The following LOXHD1 variants were observed in gnomAD, a reference collection of about 807,000 sequenced individuals.
The protein encoded by LOXHD1 is lipoxygenase homology PLAT domains 1, also known as lipoxygenase homology domain-containing protein 1.
In LOXHD1, 205 loss-of-function variants were observed where a neutral mutation model predicts 248.2. The ratio of observed to expected loss-of-function variants is 0.83; its 90% CI spans 0.74 to 0.93. The LOEUF is 0.93. Ranked by LOEUF, LOXHD1 falls within the 40% of genes least tolerant of loss-of-function variation. The probability of loss-of-function intolerance (pLI) is 0.00; values close to 1 mark genes in which losing one functional copy is unlikely to be tolerated. For missense variants in LOXHD1, 2,930 were observed against 2,971.6 expected (o/e 0.99, Z 0.33); for synonymous variants, 1,113 against 1,162.8 (o/e 0.96, Z 0.87).
chr18:46,571,514 C>T (rs1170072898), intron 15 of LOXHD1, among the ~76,000 whole-genome samples: 3 of 152,122 alleles, frequency 2.0e-5, no homozygotes, highest in South Asian at 2.1e-4. Flanking sequence ...TCAGCTCTTC[C>T]GGTTCTAAGT....
intron 14 of LOXHD1, among the ~76,000 whole-genome samples, chr18:46,574,186 A>G (rs2037809571): frequency 6.6e-6 from 1 of 152,146 alleles, no homozygotes; most frequent in Non-Finnish European, 1.5e-5. Flanking sequence ...CCCCAGCAGC[A>G]AAAGGAAACC....
At chr18:46,547,177 C>A in intron 21 of LOXHD1, 119 bp from the exon 22 acceptor site, 1 of 1,155,434 alleles carries the variant, frequency 8.7e-7, no homozygotes, top group South Asian at 1.4e-5. Context: ...CTGTCTGCCC[C>A]TGACAGCATT....
At position 46,492,979 on chromosome 18, in the gene LOXHD1, T is replaced by C. The variant is rs531278683; in HGVS notation, c.5879-3837A>G. On this transcript the variant is annotated intron_variant, in intron 37 of 40. Transcript: ENST00000642948. Reference sequence around the variant, plus strand: ...TATCAGATTTTGTCACTTCTCCATATAAAATCCCCCAATGGCTCCTCATCA... The same window carrying C: ...TATCAGATTTTGTCACTTCTCCATACAAAATCCCCCAATGGCTCCTCATCA... Among the ~76,000 whole-genome samples the C allele has an allele frequency of 2.6e-5, 4 of 152,318 alleles. No individual in the cohort carries two copies. The South Asian group carries it at 8.3e-4, about 32-fold the overall frequency.
At chr18:46,574,071 G>A (rs1301424861) in intron 14 of LOXHD1, among the ~76,000 whole-genome samples, 3 of 152,038 alleles carry the variant, frequency 2.0e-5, no homozygotes, top group Non-Finnish European at 2.9e-5. Context: ...CCTGGGCAAC[G>A]CATTCACAGG....
chr18:46,524,730 A>G lies in LOXHD1; in HGVS notation c.4718T>C (p.Leu1573Pro), dbSNP rs2035744188. ...CACCTTCTCGTAAAAGAGCCTCTCGAGTCGCCCATCCTCCTTCTTCAGGGA... is the reference window on the plus strand; with the variant it reads ...CACCTTCTCGTAAAAGAGCCTCTCGGGTCGCCCATCCTCCTTCTTCAGGGA... ...WLSLKKEDGR[L>P]ERLFYEKEYT... Residue 1573 changes from leucine (L) to proline (P), a missense_variant, in exon 30 of 41, where the codon CTC (leucine) becomes CCC (proline). Physicochemically the swap from Leu to Pro is moderately conservative, Grantham distance 98 (BLOSUM62 -3). Transcript: ENST00000642948. 6.4e-7 allele frequency: 1 copy of G among 1,551,706 alleles called. No homozygotes were observed. Among genetic ancestry groups the G allele is most frequent in the Non-Finnish European group, 8.7e-7 (1 of 1,146,994 alleles).
chr18:46,535,906 G>A (rs998092199), intron 26 of LOXHD1, among the ~76,000 whole-genome samples: 2 of 152,092 alleles, frequency 1.3e-5, no homozygotes, highest in African/African-American at 4.8e-5. Context: ...GAGCAATGTG[G>A]CCTTTAGGGG....
At chr18:46,656,092 A>G (rs1280914251) in intron 1 of LOXHD1, among the ~76,000 whole-genome samples, 1 of 152,184 alleles carries the variant, frequency 6.6e-6, no homozygotes, top group Admixed American at 6.5e-5. Context: ...GCCACTTTGG[A>G]GTCAGCATTG....
intron 21 of LOXHD1, among the ~76,000 whole-genome samples, chr18:46,551,387 G>A (rs1440191510): frequency 6.6e-6 from 1 of 152,038 alleles, no homozygotes; most frequent in Non-Finnish European, 1.5e-5. Context: ...ATAGGCATGA[G>A]CCACCACACC....
intron 35 of LOXHD1, among the ~76,000 whole-genome samples, chr18:46,508,073 A>G (rs923219143): frequency 4.6e-5 from 7 of 152,174 alleles, no homozygotes; most frequent in African/African-American, 1.4e-4. Context: ...AACACCTGGG[A>G]GCAGAACGCT....
Position 46,560,467 on chromosome 18 carries a change from C to A in LOXHD1, c.2677G>T (p.Val893Leu), listed in dbSNP as rs769899814. ...AGGTGCCGCAGCCACACGGTGTCCA[C>A]GAACCAGCTGGGCCCAAAGCCCTCG... ...TGEGFGPSWF[V>L]DTVWLRHLVV... The change falls in exon 19 of 41, where the codon GTG becomes TTG. Residue 893 changes from valine to leucine, a missense_variant. Val to Leu is a conservative substitution (Grantham distance 32). Transcript: ENST00000642948. 6.5e-7 allele frequency: 1 copy of A among 1,541,440 alleles called. No individual in the cohort carries two copies. Among genetic ancestry groups the A allele is most frequent in the Non-Finnish European group, 8.7e-7 (1 of 1,146,954 alleles).
chr18:46,601,122 T>C, intron 8 of LOXHD1, 95 bp downstream of exon 8: 1 of 1,447,616 alleles, frequency 6.9e-7, no homozygotes, highest in African/African-American at 1.4e-5. Context: ...CTGTAACTAG[T>C]TCAGAGAAGT....
intron 37 of LOXHD1, among the ~76,000 whole-genome samples, chr18:46,490,359 G>A (rs866832292): frequency 6.6e-6 from 1 of 152,220 alleles, no homozygotes; most frequent in South Asian, 2.1e-4. Flanking sequence ...CATCATTCCA[G>A]GTTGAAAAAG....
chr18:46,500,261 T>C (rs1316039891), intron 37 of LOXHD1, among the ~76,000 whole-genome samples: 1 of 152,214 alleles, frequency 6.6e-6, no homozygotes, highest in African/African-American at 2.4e-5. Context: ...TAACAACTTT[T>C]AGTTTACTAT....
chr18:46,638,711 A>AC (rs979338960), intron 4 of LOXHD1, among the ~76,000 whole-genome samples: 24 of 152,232 alleles, frequency 1.6e-4, no homozygotes, highest in Admixed American at 1.3e-4. Flanking sequence ...TCACAGAGGA[A>AC]CAAGTCAAGT....
intron 14 of LOXHD1, among the ~76,000 whole-genome samples, chr18:46,575,111 A>G (rs951615747): frequency 1.3e-5 from 2 of 152,040 alleles, no homozygotes; most frequent in Non-Finnish European, 1.5e-5. Flanking sequence ...ACACATCCCA[A>G]CTAGACCTCC....
At chr18:46,613,098 A>G (rs1204184463) in intron 5 of LOXHD1, among the ~76,000 whole-genome samples, 1 of 152,160 alleles carries the variant, frequency 6.6e-6, no homozygotes, top group African/African-American at 2.4e-5. Flanking sequence ...GCTTAGCCCT[A>G]CATGAATATT....
rs185059284 is a variant in LOXHD1 at position 46,617,009 on chromosome 18, G to A, written c.610+1183C>T. ...GATGAATTATATATTTGAGTGTTTT[G>A]TAGTTTTGGAAAGTGAACACATCTT... On this transcript the variant is annotated intron_variant, in intron 5 of 40. Coordinates refer to ENST00000642948, the MANE Select transcript of LOXHD1 (RefSeq NM_001384474.1). 2.6e-4 allele frequency among the ~76,000 whole-genome samples: 40 copies of A among 152,268 alleles called. No homozygotes were observed. In the East Asian group the frequency reaches 7.7e-3, roughly 29 times the overall value.
intron 1 of LOXHD1, among the ~76,000 whole-genome samples, chr18:46,650,540 C>T (rs1019701226): frequency 4.6e-5 from 7 of 152,116 alleles, no homozygotes; most frequent in Non-Finnish European, 8.8e-5. Context: ...ATTTCTACTT[C>T]CGGTCTTTTC....
intron 33 of LOXHD1, 53 bp from the exon 34 acceptor site, chr18:46,518,309 C>T (rs868767862): frequency 2.0e-6 from 3 of 1,536,790 alleles, no homozygotes; most frequent in Admixed American, 2.0e-5. Context: ...TCCAACCCCA[C>T]CTGACCTGCC....
Sources: allele counts gnomAD v4.1 joint callset (sites outside exome capture counted in the v4.1 genomes callset), GRCh38; gene constraint gnomAD v4.1.1; transcripts MANE v1.5; gene names NCBI Gene and HGNC (gene_info 2026-07-23, HGNC 2026-07-21).